Variants in HS6ST3 observed in about 807,000 individuals in gnomAD.
HS6ST3 encodes the protein heparan-sulfate 6-O-sulfotransferase 3.
In HS6ST3, 12 loss-of-function variants were observed where a neutral mutation model predicts 36.7. That is an observed-to-expected ratio of 0.33 (90% CI 0.21 to 0.53). The LOEUF (loss-of-function observed/expected upper bound fraction) is 0.53, where lower values mean the gene tolerates loss of function less well. Among genes scored for constraint, HS6ST3 ranks in the 20% least tolerant of loss-of-function variants. HS6ST3 has a pLI of 0.95. For missense variants in HS6ST3, 584 were observed against 640.9 expected (o/e 0.91, Z 0.96); for synonymous variants, 240 against 257.5 (o/e 0.93, Z 0.65).
At chr13:96,727,994 C>T (rs1392286389) in intron 1 of HS6ST3, among the ~76,000 whole-genome samples, 7 of 152,158 alleles carry the variant, frequency 4.6e-5, no homozygotes, top group African/African-American at 7.2e-5. Context: ...TAGTCCTCAT[C>T]GTAGCTCTGG....
intron 1 of HS6ST3, among the ~76,000 whole-genome samples, chr13:96,172,685 G>A (rs2054194010): frequency 6.6e-6 from 1 of 152,144 alleles, no homozygotes; most frequent in African/African-American, 2.4e-5. Flanking sequence ...TGGCTCAGGT[G>A]CATCTTATTT....
At chr13:96,489,629 C>G (rs1012982071) in intron 1 of HS6ST3, among the ~76,000 whole-genome samples, 1 of 151,688 alleles carries the variant, frequency 6.6e-6, no homozygotes. Flanking sequence ...TTTCTTTAGG[C>G]GAGGCTGTAA....
chr13:96,584,674 T>C (rs2056354317), intron 1 of HS6ST3, among the ~76,000 whole-genome samples: 2 of 152,192 alleles, frequency 1.3e-5, no homozygotes, highest in Non-Finnish European at 2.9e-5. Flanking sequence ...TCCCTGGTCT[T>C]TTGTCTTTGG....
intron 1 of HS6ST3, among the ~76,000 whole-genome samples, chr13:96,186,375 G>C (rs1264124174): frequency 6.6e-6 from 1 of 152,186 alleles, no homozygotes; most frequent in Non-Finnish European, 1.5e-5. Context: ...TTCTGGAAGA[G>C]ACTGCATATG....
chr13:96,817,171 GT>G (rs149009955), intron 1 of HS6ST3, among the ~76,000 whole-genome samples: 3,672 of 152,302 alleles, frequency 0.024, 141 homozygotes, highest in African/African-American at 0.084. Flanking sequence ...CTCCATGGCT[GT>G]TTGGGGGGTG....
At chr13:96,739,789 C>T (rs1876389115) in intron 1 of HS6ST3, among the ~76,000 whole-genome samples, 1 of 152,184 alleles carries the variant, frequency 6.6e-6, no homozygotes, top group South Asian at 2.1e-4. Context: ...GATCATGTCA[C>T]TCCTTGCTCA....
At chr13:96,695,128 G>GA (rs371727670) in intron 1 of HS6ST3, among the ~76,000 whole-genome samples, 3 of 151,740 alleles carry the variant, frequency 2.0e-5, no homozygotes, top group Admixed American at 6.6e-5. Flanking sequence ...ATGTTGGTCA[G>GA]AAAAAAAAGC....
At chr13:96,584,262 C>G (rs1232674715) in intron 1 of HS6ST3, among the ~76,000 whole-genome samples, 2 of 152,018 alleles carry the variant, frequency 1.3e-5, no homozygotes, top group Non-Finnish European at 2.9e-5. Flanking sequence ...TCCTGCCTCA[C>G]CCTCCCAAGT....
intron 1 of HS6ST3, among the ~76,000 whole-genome samples, chr13:96,489,872 C>T (rs541205846): frequency 6.6e-6 from 1 of 152,148 alleles, no homozygotes; most frequent in African/African-American, 2.4e-5. Flanking sequence ...CTTAAAATGT[C>T]TTCTTCCACC....
chr13:96,582,587 C>T (rs1227517067), intron 1 of HS6ST3, among the ~76,000 whole-genome samples: 2 of 152,092 alleles, frequency 1.3e-5, no homozygotes, highest in Non-Finnish European at 2.9e-5. Flanking sequence ...GAGGGATATC[C>T]TGAAGCAAGT....
chr13:96,827,433 T>A (rs1394161804), intron 1 of HS6ST3, among the ~76,000 whole-genome samples: 1 of 152,158 alleles, frequency 6.6e-6, no homozygotes, highest in Non-Finnish European at 1.5e-5. Context: ...ACCCTATTGG[T>A]TTATTATTAC....
At chr13:96,285,798 G>A (rs370280496) in intron 1 of HS6ST3, among the ~76,000 whole-genome samples, 8 of 152,200 alleles carry the variant, frequency 5.3e-5, no homozygotes, top group South Asian at 4.1e-4. Flanking sequence ...CTAGCTTCAA[G>A]CATGGATAGA....
chr13:96,751,245 C>T (rs1054477761), intron 1 of HS6ST3, among the ~76,000 whole-genome samples: 1 of 152,026 alleles, frequency 6.6e-6, no homozygotes, highest in Non-Finnish European at 1.5e-5. Context: ...AAGTTAAAGA[C>T]ATTGAAATGA....
chr13:96,373,106 G>A (rs9300343), intron 1 of HS6ST3, among the ~76,000 whole-genome samples: 49,223 of 151,928 alleles, frequency 0.32, 8,603 homozygotes, highest in Non-Finnish European at 0.4. Flanking sequence ...TCTTCACATG[G>A]CCTTCTCTTC....
At chr13:96,604,497 G>A (rs2056431847) in intron 1 of HS6ST3, among the ~76,000 whole-genome samples, 1 of 152,002 alleles carries the variant, frequency 6.6e-6, no homozygotes, top group African/African-American at 2.4e-5. Context: ...ATTTGTTTTG[G>A]CTTATTTTGA....
intron 1 of HS6ST3, among the ~76,000 whole-genome samples, chr13:96,764,355 A>G (rs1212506086): frequency 1.3e-5 from 2 of 152,226 alleles, no homozygotes; most frequent in Admixed American, 1.3e-4. Context: ...TGATGATTAT[A>G]TCTTACACTT....
chr13:96,700,604 C>T (rs1875259601), intron 1 of HS6ST3, among the ~76,000 whole-genome samples: 1 of 152,116 alleles, frequency 6.6e-6, no homozygotes. Context: ...TGATTTTTAT[C>T]TCATATAAGA....
At chr13:96,290,651 C>A (rs1331816235) in intron 1 of HS6ST3, among the ~76,000 whole-genome samples, 3 of 152,142 alleles carry the variant, frequency 2.0e-5, no homozygotes, top group African/African-American at 7.2e-5. Context: ...CTACTCTCTT[C>A]CCACTGTCAG....
chr13:96,566,285 A>C (rs527802166), intron 1 of HS6ST3, among the ~76,000 whole-genome samples: 1 of 152,276 alleles, frequency 6.6e-6, no homozygotes, highest in South Asian at 2.1e-4. Context: ...ATGATCAAAT[A>C]AACTAATAAT....
Sources: gnomAD v4.1 joint callset for allele counts (sites outside exome capture counted in the v4.1 genomes callset) on GRCh38, gnomAD v4.1.1 for gene constraint, MANE v1.5 for transcripts, NCBI Gene and HGNC (gene_info 2026-07-23, HGNC 2026-07-21) for gene names.